Variants in MCM2 observed in about 807,000 individuals in gnomAD.
MCM2 encodes the protein minichromosome maintenance complex component 2.
In MCM2, 49 loss-of-function variants were observed where a neutral mutation model predicts 86.4. That is an observed-to-expected ratio of 0.57 (90% CI 0.45 to 0.72). The LOEUF is 0.72. MCM2 is among the 30% of genes least tolerant of loss of function. The probability of loss-of-function intolerance (pLI) is 0.00; values close to 1 mark genes in which losing one functional copy is unlikely to be tolerated. For missense variants in MCM2, 1,038 were observed against 1,259.9 expected (o/e 0.82, Z 2.67); for synonymous variants, 475 against 484.6 (o/e 0.98, Z 0.26).
Position 127,621,057 on chromosome 3 carries a change from G to A in MCM2, c.2449-16G>A, listed in dbSNP as rs755597473. ...GTAGTGGGAGCGGGTGTTTGACTGA[G>A]GCTTTTTTCCTGCAGACTTTTGCCC... On this transcript the variant is annotated splice_polypyrimidine_tract_variant and intron_variant, in intron 14 of 15. Coordinates refer to ENST00000265056, the MANE Select transcript of MCM2 (RefSeq NM_004526.4). 6.2e-7 allele frequency: 1 copy of A among 1,613,850 alleles called. No homozygotes were observed. Among genetic ancestry groups the A allele is most frequent in the East Asian group, 2.2e-5 (1 of 44,880 alleles).
In MCM2 at chr3:127,606,864, C is replaced by T; in HGVS notation, c.1101+47C>T. 6.3e-7 allele frequency: 1 copy of T among 1,586,272 alleles called. No individual in the cohort carries two copies. The highest frequency in any genetic ancestry group is 1.3e-5 in the African/African-American group (1 of 74,440). On this transcript the variant is annotated intron_variant, in intron 6 of 15. Coordinates refer to ENST00000265056, the MANE Select transcript of MCM2 (RefSeq NM_004526.4). This position sits in a 1 kb window ranked among gnomAD's most constrained non-coding sequence, Gnocchi z 4.2. Reference sequence around the variant, plus strand: ...GCTGCCAGCTGTCCTTAGGGGTGCCCAGTATGCAGGACCTGACTGGCCTCT... The same window carrying T: ...GCTGCCAGCTGTCCTTAGGGGTGCCTAGTATGCAGGACCTGACTGGCCTCT...
In MCM2 at chr3:127,618,113, C is replaced by CCACA; in HGVS notation, c.2013+32_2013+33insCACA. 2 of 1,586,730 alleles carry CCACA rather than the reference C, an allele frequency of 1.3e-6. No homozygotes were observed. Among genetic ancestry groups the CCACA allele is most frequent in the Non-Finnish European group, 1.7e-6 (2 of 1,156,724 alleles). On this transcript the variant is annotated intron_variant, in intron 12 of 15. Coordinates refer to ENST00000265056, the MANE Select transcript of MCM2 (RefSeq NM_004526.4). The surrounding 1 kb of genome is among the most constrained non-coding windows in gnomAD (Gnocchi z 4.0). The stretch of plus-strand genomic sequence containing the variant: ...CTCACATGTGCCCGGTTTCCATGAA[C>CCACA]TGTGGTTTGGGGACCTCAGGTGAGG...
Position 127,618,054 on chromosome 3 carries a change from G to C in MCM2, c.1986G>C (p.Val662=), listed in dbSNP as rs138093592. 6.2e-7 allele frequency: 1 copy of C among 1,613,926 alleles called. No individual in the cohort carries two copies. The highest frequency in any genetic ancestry group is 1.3e-5 in the African/African-American group (1 of 74,892). The change falls in exon 12 of 16, where the codon GTG becomes GTC. Residue 662 remains valine, a synonymous_variant. Transcript: ENST00000265056. This position sits in a 1 kb window ranked among gnomAD's most constrained non-coding sequence, Gnocchi z 4.0. ...TCTCACGCTTTGACATCCTGTGTGT[G>C]GTGAGGGACACCGTGGACCCAGTCC... is the stretch of plus-strand genomic sequence containing the variant. The part of the protein sequence containing the change: ...PIISRFDILC[V]VRDTVDPVQD...
chr3:127,619,731 C>T (rs1459122368), intron 13 of MCM2, among the ~76,000 whole-genome samples: 1 of 151,936 alleles, frequency 6.6e-6, no homozygotes, highest in East Asian at 1.9e-4. Flanking sequence ...GCCTGTAATC[C>T]CAGCACTTTG....
chr3:127,607,803 T>C (rs1369525132), intron 6 of MCM2, among the ~76,000 whole-genome samples: 1 of 152,190 alleles, frequency 6.6e-6, no homozygotes, highest in Non-Finnish European at 1.5e-5. Flanking sequence ...GAGAACTGGC[T>C]GAGGTCACCC....
At chr3:127,602,425 A>T (rs530447340) in intron 2 of MCM2, among the ~76,000 whole-genome samples, 1 of 152,288 alleles carries the variant, frequency 6.6e-6, no homozygotes, top group Non-Finnish European at 1.5e-5. Flanking sequence ...ACCTGAAAAA[A>T]GGAGAATTCA....
chr3:127,598,546 C>T, intron 1 of MCM2, 74 bp downstream of exon 1: 1 of 1,571,150 alleles, frequency 6.4e-7, no homozygotes, highest in Non-Finnish European at 8.6e-7. Flanking sequence ...CGTACTCTGG[C>T]CCCGGCCCAG....
chr3:127,621,275 A>T, intron 15 of MCM2, 47 bp downstream of exon 15: 1 of 1,606,332 alleles, frequency 6.2e-7, no homozygotes, highest in Non-Finnish European at 8.5e-7. Flanking sequence ...CTGACTTGGG[A>T]GCTGCCAGTC....
rs10716532 is a variant in MCM2 at position 127,609,837 on chromosome 3, C to CTTT, written c.1428+839_1428+841dup. On this transcript the variant is annotated intron_variant, in intron 8 of 15. Transcript: ENST00000265056. ...CTTCCTCTGTTTCTCAGTCAACTTC[C>CTTT]TTTTTTTTTTTTTTTTTTTTTTTTT... Among the ~76,000 whole-genome samples the CTTT allele has an allele frequency of 2.3e-4, 16 of 69,088 alleles. 1 individual carries two copies. Among genetic ancestry groups the CTTT allele is most frequent in the African/African-American group, 6.5e-4 (12 of 18,470 alleles). The allele number at this position is 69,088 out of a possible 152,430, so 45.3% of individuals were successfully genotyped here.
chr3:127,606,733 C>T lies in MCM2; in HGVS notation c.1017C>T (p.Phe339=). ...CNKCNFVLGP[F]CQSQNQEVKP... ...AGTGCAATTTCGTCCTGGGTCCTTT[C>T]TGCCAGTCCCAGAACCAGGAGGTGA... The change falls in exon 6 of 16, where the codon TTC becomes TTT. Residue 339 remains phenylalanine, a synonymous_variant. Coordinates refer to ENST00000265056, the MANE Select transcript of MCM2 (RefSeq NM_004526.4). This position sits in a 1 kb window ranked among gnomAD's most constrained non-coding sequence, Gnocchi z 4.2. The T allele has an allele frequency of 6.2e-7, 1 of 1,614,278 alleles. No individual in the cohort carries two copies. Among genetic ancestry groups the T allele is most frequent in the East Asian group, 2.2e-5 (1 of 44,880 alleles).
intron 6 of MCM2, among the ~76,000 whole-genome samples, chr3:127,607,401 T>A (rs1157967176): frequency 6.6e-6 from 1 of 152,254 alleles, no homozygotes; most frequent in Non-Finnish European, 1.5e-5. Flanking sequence ...CTTGACTGCC[T>A]TGCTGCTGTG....
intron 2 of MCM2, 29 bp downstream of exon 2, chr3:127,599,576 C>T: frequency 6.3e-7 from 1 of 1,583,454 alleles, no homozygotes; most frequent in South Asian, 1.1e-5. Flanking sequence ...CTGGACTCAG[C>T]AGATAGTTTT....
chr3:127,611,848 G>A (rs1342030604), intron 8 of MCM2, among the ~76,000 whole-genome samples: 5 of 148,012 alleles, frequency 3.4e-5, no homozygotes, highest in African/African-American at 1.3e-4. Flanking sequence ...ACAGGCGCCC[G>A]CCACTACGCC....
chr3:127,619,299 G>C, intron 13 of MCM2, 21 bp downstream of exon 13: 1 of 1,607,198 alleles, frequency 6.2e-7, no homozygotes, highest in Non-Finnish European at 8.5e-7. Flanking sequence ...AGGCAGAGCC[G>C]GGAGGTGCTA....
At chr3:127,600,432 TGCCCAGGA>T (rs1483813927) in intron 2 of MCM2, among the ~76,000 whole-genome samples, 11 of 152,216 alleles carry the variant, frequency 7.2e-5, no homozygotes, top group Non-Finnish European at 1.5e-4. Context: ...ATTGTGTGAA[TGCCCAGGA>T]GCCTCGTGGA....
rs370006900 is a variant in MCM2 at position 127,619,043 on chromosome 3, G to A, written c.2030G>A (p.Arg677His). 1.2e-5 allele frequency: 20 copies of A among 1,603,696 alleles called. No homozygotes were observed. Among genetic ancestry groups the A allele is most frequent in the Admixed American group, 5.0e-5 (3 of 59,406 alleles). The change falls in exon 13 of 16, where the codon CGC becomes CAC. Residue 677 changes from arginine (R) to histidine (H), a missense_variant. Around this residue, in one of 4 missense-constraint regions of MCM2, gnomAD observed 336 missense variants for 425.7 expected, o/e 0.79. Transcript: ENST00000265056. Reference protein sequence around the residue: ...VDPVQDEMLARFVVGSHVRHH... With the variant: ...VDPVQDEMLAHFVVGSHVRHH... ...TTATCTTAGGACGAGATGCTGGCCC[G>A]CTTCGTGGTGGGCAGCCACGTCAGA...
chr3:127,611,055 AG>A, intron 8 of MCM2: 1 of 433,078 alleles, frequency 2.3e-6, no homozygotes, highest in South Asian at 1.6e-5. Flanking sequence ...AATAGGAAAT[AG>A]ACAAGATCTT....
In MCM2 at chr3:127,604,978, G is replaced by C; in HGVS notation, c.495G>C (p.Glu165Asp). The C allele has an allele frequency of 6.2e-7, 1 of 1,613,968 alleles. No individual in the cohort carries two copies. The highest frequency in any genetic ancestry group is 8.5e-7 in the Non-Finnish European group (1 of 1,179,860). The change falls in exon 4 of 16, where the codon GAG (glutamate) becomes GAC (aspartate). Residue 165 changes from glutamate to aspartate, a missense_variant. Coordinates refer to ENST00000265056, the MANE Select transcript of MCM2 (RefSeq NM_004526.4). ...ERATEDGEED[E>D]EMIESIENLE... ...CCACGGAGGACGGCGAGGAGGACGA[G>C]GAGATGATCGAGAGCATCGAGAACC...
At chr3:127,619,352 C>T (rs2074458892) in intron 13 of MCM2, 74 bp downstream of exon 13, 15 of 1,538,460 alleles carry the variant, frequency 9.8e-6, no homozygotes, top group South Asian at 1.2e-5. Context: ...ACCAATGCAG[C>T]GGGGGTGGTG....
Sources: gnomAD v4.1 joint callset for allele counts (sites outside exome capture counted in the v4.1 genomes callset) on GRCh38, gnomAD v4.1.1 for gene constraint, gnomAD v4.1.1 regional missense constraint, Gnocchi (gnomAD v3.1) non-coding constraint, MANE v1.5 for transcripts, NCBI Gene and HGNC (gene_info 2026-07-23, HGNC 2026-07-21) for gene names.